The following GALNT17 variants were observed in gnomAD, a reference collection of about 807,000 sequenced individuals.
GALNT17 encodes the protein polypeptide N-acetylgalactosaminyltransferase 17.
Under a neutral mutation model 63.7 loss-of-function variants are expected in GALNT17, and 29 were observed. That is an observed-to-expected ratio of 0.46 (90% CI 0.34 to 0.62). The LOEUF is 0.62. Among genes scored for constraint, GALNT17 ranks in the 20% least tolerant of loss-of-function variants. GALNT17 has a pLI of 0.01. For missense variants in GALNT17, 603 were observed against 799.6 expected (o/e 0.75, Z 2.97); for synonymous variants, 305 against 318.3 (o/e 0.96, Z 0.45).
intron 1 of GALNT17, among the ~76,000 whole-genome samples, chr7:71,220,203 C>A (rs11981051): frequency 6.6e-6 from 1 of 151,890 alleles, no homozygotes; most frequent in African/African-American, 2.4e-5. Flanking sequence ...GTCACACAGC[C>A]GAATCATGAC....
At chr7:71,674,142 G>A (rs904186919) in intron 8 of GALNT17, among the ~76,000 whole-genome samples, 14 of 152,172 alleles carry the variant, frequency 9.2e-5, no homozygotes, top group Admixed American at 7.9e-4. Flanking sequence ...CATTCTATCG[G>A]AAATATAAAG....
rs1554333242 is a variant in GALNT17, at chr7:71,148,860, T to TATATATATATATA, written c.238+15820_238+15821insATATATATATATA. On this transcript the variant is annotated intron_variant, in intron 1 of 10. Coordinates refer to ENST00000333538, the MANE Select transcript of GALNT17 (RefSeq NM_022479.3). ...GAAATACAGTAGTATTATGGTATTTTTATATATATATATATATATATATAT... is the reference window on the plus strand; with the variant it reads ...GAAATACAGTAGTATTATGGTATTTTATATATATATATATATATATATATATATATATATATAT... Among the ~76,000 whole-genome samples the TATATATATATATA allele has an allele frequency of 4.4e-3, 448 of 102,916 alleles. 12 individuals carry two copies. Among genetic ancestry groups the TATATATATATATA allele is most frequent in the African/African-American group, 0.012 (300 of 25,274 alleles). The allele number at this position is 102,916 out of a possible 152,430, so 67.5% of individuals were successfully genotyped here.
intron 1 of GALNT17, among the ~76,000 whole-genome samples, chr7:71,154,791 T>C (rs1788203328): frequency 6.6e-6 from 1 of 151,250 alleles, no homozygotes; most frequent in Non-Finnish European, 1.5e-5. Flanking sequence ...TTAGCCAGGA[T>C]GGTCTCAATC....
intron 5 of GALNT17, among the ~76,000 whole-genome samples, chr7:71,489,298 A>G (rs552238448): frequency 2.4e-4 from 37 of 152,244 alleles, no homozygotes; most frequent in African/African-American, 8.7e-4. Flanking sequence ...ACACCTGACT[A>G]TCGTCTTAAA....
At chr7:71,270,121 ATT>A (rs1427652581) in intron 1 of GALNT17, among the ~76,000 whole-genome samples, 1 of 152,116 alleles carries the variant, frequency 6.6e-6, no homozygotes, top group Non-Finnish European at 1.5e-5. Context: ...AGTAGTTACT[ATT>A]TTTAGCCCCG....
chr7:71,696,807 C>G (rs1241180292), intron 9 of GALNT17, among the ~76,000 whole-genome samples: 1 of 152,186 alleles, frequency 6.6e-6, no homozygotes, highest in African/African-American at 2.4e-5. Flanking sequence ...TAATCCCATT[C>G]ACTTCCAAAG....
In GALNT17 at chr7:71,134,357, A is replaced by G. The variant is rs564402628; in HGVS notation, c.238+1317A>G. Among the ~76,000 whole-genome samples, 3 of 152,328 alleles carry G rather than the reference A, an allele frequency of 2.0e-5. No homozygotes were observed. In the East Asian group the frequency reaches 5.8e-4, roughly 29 times the overall value. On this transcript the variant is annotated intron_variant, in intron 1 of 10. Transcript: ENST00000333538. ...CAAATACAGACATATACCTTCTCAC[A>G]TTGGAGGATCTCAACTGTCTTCACT...
chr7:71,382,742 C>G (rs1225409668), intron 2 of GALNT17, among the ~76,000 whole-genome samples: 1 of 151,962 alleles, frequency 6.6e-6, no homozygotes, highest in Non-Finnish European at 1.5e-5. Context: ...AAGGGCAGTG[C>G]GTTCATTCGG....
In GALNT17 at chr7:71,710,875, C is replaced by G. The variant is rs771570497; in HGVS notation, c.1615C>G (p.Leu539Val). Reference sequence around the variant, plus strand: ...CTCCAAGAGTCGGCTGCCCCAGCTCCTGGACTGCGACAAGGTCAAGAGCAG... The same window carrying G: ...CTCCAAGAGTCGGCTGCCCCAGCTCGTGGACTGCGACAAGGTCAAGAGCAG... ...DNSKSRLPQL[L>V]DCDKVKSSLY... Residue 539 changes from leucine to valine, a missense_variant, in exon 10 of 11, where the codon CTG becomes GTG. Around this residue, in one of 3 missense-constraint regions of GALNT17, gnomAD observed 336 missense variants for 507.8 expected, o/e 0.66. Coordinates refer to ENST00000333538, the MANE Select transcript of GALNT17 (RefSeq NM_022479.3). 5 of 1,613,888 alleles carry G rather than the reference C, an allele frequency of 3.1e-6. No homozygotes were observed. The highest frequency in any genetic ancestry group is 4.2e-6 in the Non-Finnish European group (5 of 1,180,032).
At chr7:71,185,171 C>T (rs1305239308) in intron 1 of GALNT17, among the ~76,000 whole-genome samples, 1 of 138,746 alleles carries the variant, frequency 7.2e-6, no homozygotes, top group South Asian at 2.7e-4. Flanking sequence ...TCCTCTCTGT[C>T]CCCTCCTTCC....
intron 1 of GALNT17, among the ~76,000 whole-genome samples, chr7:71,260,736 A>G (rs535475660): frequency 1.8e-4 from 28 of 152,050 alleles, no homozygotes; most frequent in African/African-American, 6.8e-4. Context: ...CTGGGACCAC[A>G]GGTACATGCC....
intron 1 of GALNT17, among the ~76,000 whole-genome samples, chr7:71,308,322 A>G (rs865896174): frequency 1.3e-5 from 2 of 152,262 alleles, no homozygotes; most frequent in Middle Eastern, 6.8e-3. Context: ...CCGTGTTGCC[A>G]AGGGTCATCC....
intron 1 of GALNT17, among the ~76,000 whole-genome samples, chr7:71,142,547 T>C (rs1338723557): frequency 6.6e-6 from 1 of 152,214 alleles, no homozygotes; most frequent in African/African-American, 2.4e-5. Context: ...GACTAGATGC[T>C]AAGAGTACAA....
chr7:71,307,019 T>G (rs1174527367), intron 1 of GALNT17, among the ~76,000 whole-genome samples: 1 of 152,120 alleles, frequency 6.6e-6, no homozygotes, highest in African/African-American at 2.4e-5. Context: ...AGATGGGGTT[T>G]CACTATGTTG....
chr7:71,338,439 C>A (rs1443697290), intron 2 of GALNT17, among the ~76,000 whole-genome samples: 1 of 152,012 alleles, frequency 6.6e-6, no homozygotes, highest in African/African-American at 2.4e-5. Flanking sequence ...CTGAGGGTCA[C>A]CTGAGTCTGG....
intron 6 of GALNT17, among the ~76,000 whole-genome samples, chr7:71,651,740 G>T (rs1790757626): frequency 6.6e-6 from 1 of 152,110 alleles, no homozygotes; most frequent in African/African-American, 2.4e-5. Flanking sequence ...GAGACAGGTT[G>T]TTACTCTGTT....
intron 1 of GALNT17, among the ~76,000 whole-genome samples, chr7:71,158,042 G>A (rs568399407): frequency 1.3e-5 from 2 of 151,526 alleles, no homozygotes; most frequent in South Asian, 4.2e-4. Context: ...GAGTACTTAG[G>A]TTGATTCCAT....
At position 71,185,633 on chromosome 7, in the gene GALNT17, G is replaced by T. The variant is rs370899385; in HGVS notation, c.238+52593G>T. ...CGCCATTCTCCTGCCTCAGCCTCCC[G>T]AGTAGCTGGGACTACAGGTGCCCAC... On this transcript the variant is annotated intron_variant, in intron 1 of 10. Coordinates refer to ENST00000333538, the MANE Select transcript of GALNT17 (RefSeq NM_022479.3). Among the ~76,000 whole-genome samples the T allele has an allele frequency of 6.2e-5, 9 of 145,374 alleles. No individual in the cohort carries two copies. The East Asian group carries it at 1.1e-3, about 17-fold the overall frequency.
intron 9 of GALNT17, among the ~76,000 whole-genome samples, chr7:71,687,497 G>A (rs900845030): frequency 1.6e-4 from 25 of 152,148 alleles, no homozygotes; most frequent in African/African-American, 5.8e-4. Context: ...CTCAGGCAAC[G>A]CAGCCTTTGA....
Sources: gnomAD v4.1 joint callset for allele counts (sites outside exome capture counted in the v4.1 genomes callset) on GRCh38, gnomAD v4.1.1 for gene constraint, gnomAD v4.1.1 regional missense constraint, MANE v1.5 for transcripts, NCBI Gene and HGNC (gene_info 2026-07-23, HGNC 2026-07-21) for gene names.